Variants in CNTNAP2 observed in about 807,000 individuals in gnomAD.
The protein encoded by CNTNAP2 is contactin associated protein 2.
CNTNAP2 carries 98 observed loss-of-function variants against 155.2 expected under a neutral mutation model. That is an observed-to-expected ratio of 0.63 (90% CI 0.54 to 0.75). CNTNAP2 has a LOEUF of 0.75. Ranked by LOEUF, CNTNAP2 falls within the 30% of genes least tolerant of loss-of-function variation. The probability of loss-of-function intolerance (pLI) is 0.00; values close to 1 mark genes in which losing one functional copy is unlikely to be tolerated. For synonymous variants in CNTNAP2, 651 were observed against 631.2 expected (o/e 1.03, Z -0.47); for missense variants, 1,727 against 1,688.1 (o/e 1.02, Z -0.40).
At chr7:147,096,250 C>A (rs1800529939) in intron 4 of CNTNAP2, among the ~76,000 whole-genome samples, 1 of 152,184 alleles carries the variant, frequency 6.6e-6, no homozygotes, top group African/African-American at 2.4e-5. Context: ...CTAGCAGCCT[C>A]TGCATAATAC....
At chr7:148,072,016 T>C (rs1387966254) in intron 15 of CNTNAP2, among the ~76,000 whole-genome samples, 1 of 152,214 alleles carries the variant, frequency 6.6e-6, no homozygotes, top group African/African-American at 2.4e-5. Context: ...TAGTTAATCA[T>C]GTAAACAATT....
At chr7:146,818,036 A>G (rs766058622) in intron 2 of CNTNAP2, among the ~76,000 whole-genome samples, 2 of 152,236 alleles carry the variant, frequency 1.3e-5, no homozygotes, top group Non-Finnish European at 2.9e-5. Context: ...TTAGAGTTAA[A>G]TAAATACTAG....
chr7:146,200,583 T>C (rs1798845391), intron 1 of CNTNAP2, among the ~76,000 whole-genome samples: 1 of 152,134 alleles, frequency 6.6e-6, no homozygotes, highest in Non-Finnish European at 1.5e-5. Flanking sequence ...TTTGTTTCTA[T>C]GTTTTTAGAT....
chr7:146,127,452 A>T (rs1797653043), intron 1 of CNTNAP2, among the ~76,000 whole-genome samples: 1 of 152,246 alleles, frequency 6.6e-6, no homozygotes, highest in African/African-American at 2.4e-5. Context: ...TATCGACAAC[A>T]GAAGGAAGGC....
At chr7:146,814,860 C>T (rs1335420621) in intron 2 of CNTNAP2, among the ~76,000 whole-genome samples, 1 of 152,066 alleles carries the variant, frequency 6.6e-6, no homozygotes, top group African/African-American at 2.4e-5. Flanking sequence ...CCCCTAAGTC[C>T]TTGTTATAGG....
intron 18 of CNTNAP2, chr7:148,190,532 G>A (rs1160451142): frequency 6.6e-6 from 1 of 152,156 alleles, no homozygotes; most frequent in Non-Finnish European, 1.5e-5. Flanking sequence ...GGCTCTTAGA[G>A]CGACAGAATC....
intron 1 of CNTNAP2, among the ~76,000 whole-genome samples, chr7:146,185,800 T>C (rs1320979732): frequency 1.3e-5 from 2 of 151,468 alleles, no homozygotes; most frequent in African/African-American, 4.9e-5. Context: ...CGAGCTTCTT[T>C]CTGTGGGCTA....
intron 11 of CNTNAP2, among the ~76,000 whole-genome samples, chr7:147,551,927 AT>A (rs1336616660): frequency 6.6e-6 from 1 of 152,198 alleles, no homozygotes; most frequent in Non-Finnish European, 1.5e-5. Flanking sequence ...CATTCAGATT[AT>A]TATGGCCTTT....
intron 15 of CNTNAP2, among the ~76,000 whole-genome samples, chr7:148,075,767 A>G (rs757350508): frequency 1.3e-5 from 2 of 152,396 alleles, no homozygotes; most frequent in South Asian, 2.1e-4. Flanking sequence ...TAGAGGGATT[A>G]GACTGTGTAA....
chr7:148,371,205 G>GA (rs941706357), intron 21 of CNTNAP2, among the ~76,000 whole-genome samples: 63 of 151,158 alleles, frequency 4.2e-4, no homozygotes, highest in African/African-American at 1.4e-3. Context: ...AACAAAACTG[G>GA]AAAAAAAAAT....
At chr7:146,296,162 G>T (rs749563783) in intron 1 of CNTNAP2, among the ~76,000 whole-genome samples, 3 of 152,250 alleles carry the variant, frequency 2.0e-5, no homozygotes, top group South Asian at 2.1e-4. Flanking sequence ...AATTGCTTAA[G>T]CAGATCCTAA....
At position 146,370,260 on chromosome 7, in the gene CNTNAP2, TAAAAAAA is replaced by T. The variant is rs34996621; in HGVS notation, c.97+253310_97+253316del. Among the ~76,000 whole-genome samples the T allele has an allele frequency of 6.7e-3, 588 of 87,592 alleles. 2 individuals carry two copies. The highest frequency in any genetic ancestry group is 0.01 in the Non-Finnish European group (474 of 46,478). The allele number at this position is 87,592 out of a possible 152,430, so 57.5% of individuals were successfully genotyped here. A position where few individuals can be genotyped will look rare whatever the true frequency, so the allele number is the denominator to read the frequency against. On this transcript the variant is annotated intron_variant, in intron 1 of 23. Transcript: ENST00000361727. ...AATAGGTGAAACCCCATCTCTACTT[TAAAAAAA>T]AAAAAAAAAAAAAAAAAAAAAATTA... is the stretch of plus-strand genomic sequence containing the variant.
chr7:146,721,385 TAC>T (rs1350808823), intron 1 of CNTNAP2, among the ~76,000 whole-genome samples: 3 of 128,794 alleles, frequency 2.3e-5, no homozygotes, highest in African/African-American at 9.2e-5. Context: ...ACATTCTATA[TAC>T]ATTCTATATA....
intron 1 of CNTNAP2, among the ~76,000 whole-genome samples, chr7:146,164,426 A>G (rs772455147): frequency 6.6e-6 from 1 of 152,142 alleles, no homozygotes; most frequent in Admixed American, 6.5e-5. Context: ...GTATGTACCT[A>G]TGTGGTTATT....
chr7:147,342,119 G>A lies in CNTNAP2; in HGVS notation c.1498+41829G>A, dbSNP rs571193866. On this transcript the variant is annotated intron_variant, in intron 9 of 23. Coordinates refer to ENST00000361727, the MANE Select transcript of CNTNAP2 (RefSeq NM_014141.6). ...AAGCTTGCTGGCATCTCTTCTACTA[G>A]GGACACTAAACCTGCCATGAAGGCT... Among the ~76,000 whole-genome samples, 12 of 152,106 alleles carry A rather than the reference G, an allele frequency of 7.9e-5. No individual in the cohort carries two copies. In the South Asian group the frequency reaches 2.5e-3, roughly 32 times the overall value.
chr7:146,879,900 T>A (rs1021788649), intron 3 of CNTNAP2, among the ~76,000 whole-genome samples: 3 of 152,034 alleles, frequency 2.0e-5, no homozygotes, highest in Non-Finnish European at 4.4e-5. Flanking sequence ...GAGGCCTCAC[T>A]ATCATGGCTG....
intron 10 of CNTNAP2, among the ~76,000 whole-genome samples, chr7:147,415,359 A>G (rs1158883350): frequency 6.6e-6 from 1 of 152,210 alleles, no homozygotes; most frequent in African/African-American, 2.4e-5. Context: ...CTCATCTTGA[A>G]TTGTCATCCC....
At chr7:147,062,807 C>G (rs1157864091) in intron 4 of CNTNAP2, among the ~76,000 whole-genome samples, 1 of 152,104 alleles carries the variant, frequency 6.6e-6, no homozygotes, top group African/African-American at 2.4e-5. Flanking sequence ...ATTTTATTAT[C>G]TAGCGTCTGT....
chr7:148,050,728 C>T (rs1802872633), intron 15 of CNTNAP2, among the ~76,000 whole-genome samples: 1 of 152,202 alleles, frequency 6.6e-6, no homozygotes, highest in Admixed American at 6.5e-5. Flanking sequence ...CTGCAAGCTC[C>T]ATTCATGATA....
Sources: gnomAD v4.1 joint callset for allele counts (sites outside exome capture counted in the v4.1 genomes callset) on GRCh38, gnomAD v4.1.1 for gene constraint, MANE v1.5 for transcripts, NCBI Gene and HGNC (gene_info 2026-07-23, HGNC 2026-07-21) for gene names.